The following HLCS variants were observed in gnomAD, a reference collection of about 807,000 sequenced individuals.
The protein encoded by HLCS is biotin--protein ligase.
A neutral mutation model predicts 75.0 loss-of-function variants in HLCS; 53 were observed. The observed-to-expected ratio is 0.71, with a 90% CI of 0.57 to 0.89. The LOEUF (loss-of-function observed/expected upper bound fraction) is 0.89, where lower values mean the gene tolerates loss of function less well. Ranked by LOEUF, HLCS falls within the 40% of genes least tolerant of loss-of-function variation. The probability of loss-of-function intolerance (pLI) is 0.00; values close to 1 mark genes in which losing one functional copy is unlikely to be tolerated. For missense variants in HLCS, 966 were observed against 1,074.0 expected, an observed-to-expected ratio of 0.90 and a Z score of 1.41; for synonymous variants, 431 against 428.6, an observed-to-expected ratio of 1.01 and a Z score of -0.07.
chr21:36,911,306 C>G (rs1474520809), intron 5 of HLCS, among the ~76,000 whole-genome samples: 1 of 152,156 alleles, frequency 6.6e-6, no homozygotes, highest in African/African-American at 2.4e-5. Flanking sequence ...TCAGCCCCAG[C>G]AGCAAGCCTG....
chr21:36,849,028 C>T lies in HLCS; in HGVS notation c.1892+47832G>A, dbSNP rs190350300. ...CATTCTAGAATGGCAATAATAAAAT[C>T]CCCTGTGAAGACAATAACAACATTC... On this transcript the variant is annotated intron_variant, in intron 6 of 10. Coordinates refer to ENST00000674895, the MANE Select transcript of HLCS (RefSeq NM_001352514.2). 1.6e-3 allele frequency among the ~76,000 whole-genome samples: 250 copies of T among 152,272 alleles called. 2 individuals carry two copies. Among genetic ancestry groups the T allele is most frequent in the African/African-American group, 5.9e-3 (245 of 41,560 alleles).
intron 6 of HLCS, among the ~76,000 whole-genome samples, chr21:36,809,872 G>A (rs1463002395): frequency 6.6e-6 from 1 of 152,160 alleles, no homozygotes. Flanking sequence ...CCCAGTAGCT[G>A]GGACTACAAG....
upstream of HLCS, among the ~76,000 whole-genome samples, chr21:36,971,486 G>A (rs2068786839): frequency 6.6e-6 from 1 of 152,072 alleles, no homozygotes; most frequent in South Asian, 2.1e-4. Context: ...GCCAAATCAG[G>A]ACGATTTGAG....
At chr21:36,863,119 A>G (rs2063439454) in intron 6 of HLCS, among the ~76,000 whole-genome samples, 1 of 152,160 alleles carries the variant, frequency 6.6e-6, no homozygotes, top group Non-Finnish European at 1.5e-5. Flanking sequence ...ATGTATGTTC[A>G]GTCATAAATA....
At chr21:36,796,756 T>G (rs1372626573) in intron 6 of HLCS, among the ~76,000 whole-genome samples, 2 of 152,148 alleles carry the variant, frequency 1.3e-5, no homozygotes, top group Non-Finnish European at 2.9e-5. Flanking sequence ...TGTTTATGAA[T>G]AATAACTTCC....
In HLCS at chr21:36,754,127, G is replaced by T; in HGVS notation, c.*119C>A. 1.8e-6 allele frequency: 2 copies of T among 1,108,492 alleles called. No homozygotes were observed. Among genetic ancestry groups the T allele is most frequent in the Non-Finnish European group, 2.6e-6 (2 of 760,190 alleles). The allele number at this position is 1,108,492 out of a possible 1,614,324, so 68.7% of individuals were successfully genotyped here. ...AAACCTAAAAACAAACAGAAACACAGAAAAAGAACAAAGACTTAACAAATG... is the reference window on the plus strand; with the variant it reads ...AAACCTAAAAACAAACAGAAACACATAAAAAGAACAAAGACTTAACAAATG... On this transcript the variant is annotated 3_prime_UTR_variant, in exon 11 of 11. Transcript: ENST00000674895.
At chr21:36,768,095 C>T (rs963028242) in intron 6 of HLCS, among the ~76,000 whole-genome samples, 10 of 152,388 alleles carry the variant, frequency 6.6e-5, no homozygotes, top group Non-Finnish European at 1.2e-4. Flanking sequence ...TTCCTCTCTA[C>T]GTGCCCAGGA....
chr21:36,790,297 A>G (rs532342067), intron 6 of HLCS, among the ~76,000 whole-genome samples: 57 of 152,214 alleles, frequency 3.7e-4, no homozygotes, highest in African/African-American at 1.3e-3. Flanking sequence ...CCAGCTACTC[A>G]GGAGGCTGAG....
chr21:36,898,112 T>A (rs186707831), intron 5 of HLCS, among the ~76,000 whole-genome samples: 1 of 152,164 alleles, frequency 6.6e-6, no homozygotes, highest in Admixed American at 6.6e-5. Flanking sequence ...AGTTTGCAGA[T>A]AATACAGAGG....
intron 2 of HLCS, among the ~76,000 whole-genome samples, chr21:36,957,632 A>C (rs1326856575): frequency 6.6e-6 from 1 of 152,228 alleles, no homozygotes; most frequent in Non-Finnish European, 1.5e-5. Flanking sequence ...TCTTTTCTGC[A>C]TATGAAAATT....
Position 36,966,425 on chromosome 21 carries a change from G to GGGCGCC in HLCS, c.195+18_195+19insGGCGCC. ...CCGGCTCGCGGGGCCCGGGTCGCCC[G>GGGCGCC]CCCGCCCGACCCGCCCACCTGGCTG... On this transcript the variant is annotated intron_variant, in intron 1 of 10. Coordinates refer to ENST00000674895, the MANE Select transcript of HLCS (RefSeq NM_001352514.2). The GGGCGCC allele has an allele frequency of 4.6e-5, 9 of 195,434 alleles. No homozygotes were observed. Among genetic ancestry groups the GGGCGCC allele is most frequent in the Non-Finnish European group, 7.7e-5 (9 of 116,686 alleles). 12.1% of individuals were successfully genotyped at this position (195,434 alleles called of 1,614,324 possible). A position where few individuals can be genotyped will look rare whatever the true frequency, so the allele number is the denominator to read the frequency against.
At chr21:36,810,242 C>A (rs1462435513) in intron 6 of HLCS, among the ~76,000 whole-genome samples, 2 of 152,110 alleles carry the variant, frequency 1.3e-5, no homozygotes, top group East Asian at 3.8e-4. Flanking sequence ...TGGGATTTTG[C>A]GATTTTTCTT....
chr21:36,871,671 C>T (rs1308976185), intron 6 of HLCS, among the ~76,000 whole-genome samples: 2 of 151,998 alleles, frequency 1.3e-5, no homozygotes, highest in Non-Finnish European at 2.9e-5. Context: ...TTAGCATGAA[C>T]ATCCACATAC....
chr21:36,878,117 T>A (rs2146260149), intron 6 of HLCS, among the ~76,000 whole-genome samples: 1 of 152,244 alleles, frequency 6.6e-6, no homozygotes, highest in East Asian at 1.9e-4. Context: ...GCCTGGAAAT[T>A]TATGTCTTCT....
At chr21:36,783,949 C>A (rs9975316) in intron 6 of HLCS, among the ~76,000 whole-genome samples, 1 of 152,144 alleles carries the variant, frequency 6.6e-6, no homozygotes, top group African/African-American at 2.4e-5. Context: ...TGTAAGATTT[C>A]TCCAAGGTCT....
At chr21:36,882,579 T>C (rs1172711827) in intron 6 of HLCS, among the ~76,000 whole-genome samples, 3 of 151,460 alleles carry the variant, frequency 2.0e-5, no homozygotes, top group African/African-American at 7.3e-5. Context: ...TAGCTGGGAC[T>C]ATAGGTGCGT....
At chr21:36,811,932 C>T (rs1042258685) in intron 6 of HLCS, among the ~76,000 whole-genome samples, 2 of 152,142 alleles carry the variant, frequency 1.3e-5, no homozygotes, top group Non-Finnish European at 2.9e-5. Context: ...TGGGTCTCGG[C>T]TTCTTAACCT....
chr21:36,952,789 CAAAAAAAAAAAA>C (rs35700333), intron 2 of HLCS, among the ~76,000 whole-genome samples: 2 of 48,854 alleles, frequency 4.1e-5, no homozygotes, highest in Admixed American at 4.0e-4. Context: ...GACTCCGTCT[CAAAAAAAAAAAA>C]AAAAAAAAAA....
chr21:36,862,197 T>G (rs2063402832), intron 6 of HLCS, among the ~76,000 whole-genome samples: 1 of 152,244 alleles, frequency 6.6e-6, no homozygotes, highest in African/African-American at 2.4e-5. Flanking sequence ...CATCCACTGA[T>G]GGACATTTGG....
Sources: allele counts gnomAD v4.1 joint callset (sites outside exome capture counted in the v4.1 genomes callset), GRCh38; gene constraint gnomAD v4.1.1; transcripts MANE v1.5; gene names NCBI Gene and HGNC (gene_info 2026-07-23, HGNC 2026-07-21).